Variants in ETV5 observed in about 807,000 individuals in gnomAD.
The protein encoded by ETV5 is ETS translocation variant 5.
ETV5 carries 10 observed loss-of-function variants against 70.0 expected under a neutral mutation model. The ratio of observed to expected loss-of-function variants is 0.14; its 90% CI spans 0.09 to 0.24. The LOEUF is 0.24. ETV5 is among the 10% of genes least tolerant of loss of function. The pLI, the probability that ETV5 is intolerant of heterozygous loss-of-function variation, is 1.00. For missense variants in ETV5, 453 were observed against 651.2 expected (o/e 0.70, Z 3.31); for synonymous variants, 216 against 242.2 (o/e 0.89, Z 1.01).
chr3:186,057,644 GA>G lies in ETV5; in HGVS notation c.971-154del, dbSNP rs775763536. The stretch of plus-strand genomic sequence containing the variant: ...CAGACTGAATTTTCAGGGACTTCAA[GA>G]GGGCTTAGGCATTCCAATTCTGATG... On this transcript the variant is annotated intron_variant, in intron 9 of 12. Transcript: ENST00000306376. This position sits in a 1 kb window ranked among gnomAD's most constrained non-coding sequence, Gnocchi z 4.9. Among the ~76,000 whole-genome samples the G allele has an allele frequency of 3.3e-5, 5 of 152,312 alleles. No individual in the cohort carries two copies. Among genetic ancestry groups the G allele is most frequent in the Admixed American group, 1.3e-4 (2 of 15,306 alleles).
chr3:186,108,249 G>T (rs1251091489), intron 1 of ETV5, among the ~76,000 whole-genome samples: 1 of 151,162 alleles, frequency 6.6e-6, no homozygotes, highest in Non-Finnish European at 1.5e-5. Context: ...AGCATCTTTC[G>T]GTGCTGTCCC....
chr3:186,107,723 TCCAGGCCCCTCC>T (rs1326319261), intron 1 of ETV5, among the ~76,000 whole-genome samples: 8 of 151,440 alleles, frequency 5.3e-5, no homozygotes, highest in African/African-American at 1.9e-4. Context: ...AGCGGCGCGA[TCCAGGCCCCTCC>T]CCTGTGGCGC....
At chr3:186,096,688 A>G (rs1372638156) in intron 5 of ETV5, among the ~76,000 whole-genome samples, 1 of 152,188 alleles carries the variant, frequency 6.6e-6, no homozygotes, top group Non-Finnish European at 1.5e-5. Context: ...GTTTGTGAGG[A>G]TGAAGAGTAG....
At chr3:186,074,492 A>C (rs1420512678) in intron 7 of ETV5, among the ~76,000 whole-genome samples, 1 of 152,214 alleles carries the variant, frequency 6.6e-6, no homozygotes, top group East Asian at 1.9e-4. Flanking sequence ...CCTTAATGCT[A>C]AAACCTAGCA....
intron 5 of ETV5, among the ~76,000 whole-genome samples, chr3:186,100,239 T>C (rs1714420357): frequency 6.6e-6 from 1 of 152,228 alleles, no homozygotes; most frequent in Admixed American, 6.5e-5. Context: ...CTTTTCTACC[T>C]TCAGAACTAC....
chr3:186,079,927 C>A lies in ETV5; in HGVS notation c.540G>T (p.Ser180=). Residue 180 remains serine (S), a synonymous_variant, in exon 7 of 13, where the codon TCG becomes TCT. Transcript: ENST00000306376. The part of the protein sequence containing the change: ...QGVGPAPAPH[S]LPEPGPQQQT... ...GCTGCTGTGGTCCAGGCTCTGGAAG[C>A]GAATGGGGGGCGGGGGCGGGGCCCA... is the stretch of plus-strand genomic sequence containing the variant. 7.6e-7 allele frequency: 1 copy of A among 1,317,416 alleles called. No homozygotes were observed. Among genetic ancestry groups the A allele is most frequent in the South Asian group, 1.4e-5 (1 of 72,306 alleles). 81.6% of individuals were successfully genotyped at this position (1,317,416 alleles called of 1,614,324 possible).
intron 5 of ETV5, among the ~76,000 whole-genome samples, chr3:186,104,755 T>TG (rs1158208911): frequency 1.3e-5 from 2 of 151,572 alleles, no homozygotes; most frequent in African/African-American, 4.9e-5. Flanking sequence ...TTTTTTTTTT[T>TG]TTTTGAGATG....
At chr3:186,088,373 A>G (rs973682119) in intron 5 of ETV5, among the ~76,000 whole-genome samples, 7 of 152,200 alleles carry the variant, frequency 4.6e-5, no homozygotes. Context: ...TGGAATGTAC[A>G]CAAATAGTAA....
chr3:186,080,241 C>G (rs769612648), intron 6 of ETV5, 137 bp from the exon 7 acceptor site: 2 of 596,874 alleles, frequency 3.4e-6, no homozygotes, highest in Admixed American at 8.6e-5. Context: ...TCGCTCGTAG[C>G]CCCGAGGGGA....
chr3:186,047,557 T>TA lies in ETV5; in HGVS notation c.*1081dup, dbSNP rs1054006478. 17 of 232,128 alleles carry TA rather than the reference T, an allele frequency of 7.3e-5. No homozygotes were observed. Among genetic ancestry groups the TA allele is most frequent in the Non-Finnish European group, 1.4e-4 (16 of 117,316 alleles). 14.4% of individuals were successfully genotyped at this position (232,128 alleles called of 1,614,324 possible). A position where few individuals can be genotyped will look rare whatever the true frequency, so the allele number is the denominator to read the frequency against. On this transcript the variant is annotated 3_prime_UTR_variant, in exon 13 of 13. Coordinates refer to ENST00000306376, the MANE Select transcript of ETV5 (RefSeq NM_004454.3). ...GTTAGTGAACACGGGGAACTATACATAGAGAATCTAAGCTTGTGTCCAGGC... is the reference window on the plus strand; with the variant it reads ...GTTAGTGAACACGGGGAACTATACATAAGAGAATCTAAGCTTGTGTCCAGGC...
intron 5 of ETV5, among the ~76,000 whole-genome samples, chr3:186,097,307 A>G (rs1033769007): frequency 2.0e-5 from 3 of 152,208 alleles, no homozygotes; most frequent in African/African-American, 7.2e-5. Context: ...AACAGGAGTG[A>G]AGGCAAAGGA....
intron 7 of ETV5, among the ~76,000 whole-genome samples, chr3:186,074,243 T>A (rs1292152408): frequency 6.6e-6 from 1 of 152,142 alleles, no homozygotes; most frequent in African/African-American, 2.4e-5. Context: ...ATGGACAACT[T>A]CTTAGAAAAA....
At chr3:186,103,162 G>A (rs1714504166) in intron 5 of ETV5, among the ~76,000 whole-genome samples, 1 of 151,736 alleles carries the variant, frequency 6.6e-6, no homozygotes, top group South Asian at 2.1e-4. Flanking sequence ...CAAAAAGTAA[G>A]CAAAGTAAAA....
At chr3:186,079,190 G>A (rs1301753584) in intron 7 of ETV5, 1 of 683,482 alleles carries the variant, frequency 1.5e-6, no homozygotes, top group Non-Finnish European at 1.9e-6. Context: ...GTCAGGTTTG[G>A]AGTGTGCAGA....
At chr3:186,081,263 C>A in intron 5 of ETV5, 88 bp from the exon 6 acceptor site, 2 of 1,350,872 alleles carry the variant, frequency 1.5e-6, no homozygotes, top group Non-Finnish European at 2.0e-6. Flanking sequence ...AACCTTCTAA[C>A]TAGCTGATTG....
intron 5 of ETV5, among the ~76,000 whole-genome samples, chr3:186,083,707 A>G (rs1290118620): frequency 1.3e-5 from 2 of 152,230 alleles, no homozygotes; most frequent in Admixed American, 1.3e-4. Context: ...TTCAAAAAGT[A>G]TTTTTGTGAA....
chr3:186,102,657 AG>A (rs1288518659), intron 5 of ETV5, among the ~76,000 whole-genome samples: 1,994 of 126,472 alleles, frequency 0.016, 45 homozygotes, highest in African/African-American at 0.055. Flanking sequence ...AAAAAAAAAA[AG>A]GTTTGCTTTC....
At chr3:186,071,858 CG>C (rs1713647066) in intron 7 of ETV5, among the ~76,000 whole-genome samples, 1 of 151,524 alleles carries the variant, frequency 6.6e-6, no homozygotes, top group Admixed American at 6.6e-5. Context: ...AGTTCAGTGG[CG>C]CGATCTCGGC....
chr3:186,067,123 C>G (rs748888827), intron 7 of ETV5, among the ~76,000 whole-genome samples: 8 of 152,134 alleles, frequency 5.3e-5, no homozygotes, highest in Non-Finnish European at 1.2e-4. Flanking sequence ...GCCAAAACCC[C>G]ATCTCTACTA....
Sources: allele counts gnomAD v4.1 joint callset (sites outside exome capture counted in the v4.1 genomes callset), GRCh38; gene constraint gnomAD v4.1.1; non-coding constraint Gnocchi (gnomAD v3.1); transcripts MANE v1.5; gene names NCBI Gene and HGNC (gene_info 2026-07-23, HGNC 2026-07-21).